The following GALNTL6 variants were observed in gnomAD, a reference collection of about 807,000 sequenced individuals.
GALNTL6 encodes the protein polypeptide N-acetylgalactosaminyltransferase like 6.
GALNTL6 carries 46 observed loss-of-function variants against 73.7 expected under a neutral mutation model. The observed-to-expected ratio is 0.62, with a 90% confidence interval of 0.49 to 0.80. GALNTL6 has a LOEUF of 0.80. Ranked by LOEUF, GALNTL6 falls within the 30% of genes least tolerant of loss-of-function variation. The probability of loss-of-function intolerance (pLI) is 0.00; values close to 1 mark genes in which losing one functional copy is unlikely to be tolerated. For missense variants in GALNTL6, 604 were observed against 755.0 expected (o/e 0.80, Z 2.34); for synonymous variants, 259 against 263.7 (o/e 0.98, Z 0.17).
intron 2 of GALNTL6, among the ~76,000 whole-genome samples, chr4:171,910,688 T>C (rs1157869191): frequency 6.6e-6 from 1 of 152,142 alleles, no homozygotes; most frequent in African/African-American, 2.4e-5. Flanking sequence ...ACAAACATTA[T>C]CAGACTTATA....
chr4:172,187,365 C>T (rs1253656956), intron 2 of GALNTL6, among the ~76,000 whole-genome samples: 2 of 152,056 alleles, frequency 1.3e-5, no homozygotes, highest in African/African-American at 4.8e-5. Context: ...TCCAGGACCA[C>T]CTAGTCTATT....
chr4:172,078,821 T>C (rs1195636796), intron 2 of GALNTL6, among the ~76,000 whole-genome samples: 1 of 152,222 alleles, frequency 6.6e-6, no homozygotes, highest in East Asian at 1.9e-4. Context: ...GCATTTTAGA[T>C]TGAATCTTTA....
chr4:171,984,581 G>A (rs560383637), intron 2 of GALNTL6, among the ~76,000 whole-genome samples: 8 of 152,288 alleles, frequency 5.3e-5, no homozygotes, highest in Admixed American at 1.3e-4. Context: ...GTGACAGCCC[G>A]CTCTGGAGTT....
At chr4:171,885,056 C>CAAAA (rs113416452) in intron 2 of GALNTL6, among the ~76,000 whole-genome samples, 1 of 139,922 alleles carries the variant, frequency 7.1e-6, no homozygotes, top group Non-Finnish European at 1.5e-5. Flanking sequence ...GACTCTACCT[C>CAAAA]AAAAAAAAAG....
intron 5 of GALNTL6, among the ~76,000 whole-genome samples, chr4:172,467,865 T>A (rs895178010): frequency 7.6e-6 from 1 of 131,392 alleles, no homozygotes; most frequent in Non-Finnish European, 1.7e-5. Flanking sequence ...TTTCTTTCTT[T>A]CCTTCTTTCC....
chr4:172,953,662 G>A (rs1749571102), intron 10 of GALNTL6, among the ~76,000 whole-genome samples: 1 of 152,088 alleles, frequency 6.6e-6, no homozygotes. Flanking sequence ...GTGTTCAGAG[G>A]GTCACTCTTC....
chr4:172,028,725 T>C (rs1245711977), intron 2 of GALNTL6, among the ~76,000 whole-genome samples: 2 of 152,022 alleles, frequency 1.3e-5, no homozygotes, highest in African/African-American at 4.8e-5. Flanking sequence ...AACATGTAAT[T>C]ATCAAAGACA....
intron 2 of GALNTL6, among the ~76,000 whole-genome samples, chr4:171,922,235 G>T (rs1297694075): frequency 6.6e-6 from 1 of 151,970 alleles, no homozygotes; most frequent in African/African-American, 2.4e-5. Flanking sequence ...CTAAATAAAA[G>T]GTAGTTAGGC....
At chr4:171,841,256 T>A (rs935183593) in intron 2 of GALNTL6, among the ~76,000 whole-genome samples, 1 of 152,176 alleles carries the variant, frequency 6.6e-6, no homozygotes, top group African/African-American at 2.4e-5. Flanking sequence ...AAGGAGATAT[T>A]AATTAATGGT....
chr4:172,995,734 A>G (rs1323937423), intron 10 of GALNTL6, among the ~76,000 whole-genome samples: 1 of 152,208 alleles, frequency 6.6e-6, no homozygotes, highest in African/African-American at 2.4e-5. Context: ...AAACTTGTTC[A>G]TCTCCTAAGT....
intron 5 of GALNTL6, among the ~76,000 whole-genome samples, chr4:172,373,798 G>A (rs1742917692): frequency 6.6e-6 from 1 of 152,224 alleles, no homozygotes; most frequent in East Asian, 1.9e-4. Context: ...TACAACTGAG[G>A]AGGTGGGAGA....
chr4:172,163,416 C>T (rs1234942424), intron 2 of GALNTL6, among the ~76,000 whole-genome samples: 1 of 151,762 alleles, frequency 6.6e-6, no homozygotes, highest in Non-Finnish European at 1.5e-5. Flanking sequence ...CAAAGTTTAC[C>T]TTCATCCTAC....
chr4:172,093,582 C>A (rs912229514), intron 2 of GALNTL6, among the ~76,000 whole-genome samples: 3 of 152,122 alleles, frequency 2.0e-5, no homozygotes, highest in Admixed American at 1.3e-4. Context: ...GAGTAGCCCG[C>A]AAGGGAGCAA....
At position 172,108,905 on chromosome 4, in the gene GALNTL6, C is replaced by T. The variant is rs116464542; in HGVS notation, c.139-120751C>T. Among the ~76,000 whole-genome samples the T allele has an allele frequency of 5.4e-3, 803 of 148,290 alleles. 6 individuals carry two copies. Among genetic ancestry groups the T allele is most frequent in the African/African-American group, 0.019 (751 of 40,436 alleles). On this transcript the variant is annotated intron_variant, in intron 2 of 12. Coordinates refer to ENST00000506823, the MANE Select transcript of GALNTL6 (RefSeq NM_001034845.3). ...GCGTGCGCCCATATTCCCAGCTGAT[C>T]GGGAGGCTGAGTCAGCAGAATTGCT...
intron 10 of GALNTL6, among the ~76,000 whole-genome samples, chr4:172,997,450 C>A (rs1751848058): frequency 6.6e-6 from 1 of 152,090 alleles, no homozygotes; most frequent in East Asian, 1.9e-4. Flanking sequence ...GTGAAAGCAT[C>A]CAGTTCAGTA....
chr4:172,982,628 T>C (rs1314486041), intron 10 of GALNTL6, among the ~76,000 whole-genome samples: 1 of 152,140 alleles, frequency 6.6e-6, no homozygotes, highest in African/African-American at 2.4e-5. Flanking sequence ...TACTACTGAC[T>C]CACTATAAAT....
chr4:172,961,438 G>T (rs192762478), intron 10 of GALNTL6, among the ~76,000 whole-genome samples: 28 of 152,262 alleles, frequency 1.8e-4, no homozygotes, highest in African/African-American at 6.7e-4. Context: ...CAGAAAAGCG[G>T]TACTTGCTGC....
chr4:172,812,416 A>T (rs944552205), intron 6 of GALNTL6, among the ~76,000 whole-genome samples: 5 of 152,218 alleles, frequency 3.3e-5, no homozygotes, highest in Non-Finnish European at 7.3e-5. Flanking sequence ...TCCGAATAAC[A>T]AGAAGTTCTG....
chr4:172,526,454 C>G (rs1171398656), intron 5 of GALNTL6, among the ~76,000 whole-genome samples: 2 of 152,180 alleles, frequency 1.3e-5, no homozygotes, highest in Non-Finnish European at 2.9e-5. Context: ...GAGCTCAAGT[C>G]AAGCCCTGGC....
Sources: gnomAD v4.1 joint callset for allele counts (sites outside exome capture counted in the v4.1 genomes callset) on GRCh38, gnomAD v4.1.1 for gene constraint, MANE v1.5 for transcripts, NCBI Gene and HGNC (gene_info 2026-07-23, HGNC 2026-07-21) for gene names.